DHX30: variants seen among roughly 807,000 people sequenced by gnomAD.
DHX30 encodes the protein DExH-box helicase 30.
A neutral mutation model predicts 116.9 loss-of-function variants in DHX30; 4 were observed. The observed-to-expected ratio is 0.03, with a 90% confidence interval of 0.02 to 0.08. DHX30 has a LOEUF of 0.08. Ranked by LOEUF, DHX30 falls within the 10% of genes least tolerant of loss-of-function variation. The pLI, the probability that DHX30 is intolerant of heterozygous loss-of-function variation, is 1.00. For missense variants in DHX30, 871 were observed against 1,595.1 expected, an observed-to-expected ratio of 0.55 and a Z score of 7.73; for synonymous variants, 697 against 651.7, an observed-to-expected ratio of 1.07 and a Z score of -1.06.
intron 4 of DHX30, among the ~76,000 whole-genome samples, chr3:47,825,409 A>G (rs2036508841): frequency 6.6e-6 from 1 of 152,228 alleles, no homozygotes; most frequent in South Asian, 2.1e-4. Flanking sequence ...CTGTTTGTAA[A>G]GCTTAGCGTG....
chr3:47,845,593 C>CTTA lies in DHX30; in HGVS notation c.940-106_940-104dup, dbSNP rs1369604785. ...CCATGTCAGCCAAAATCCAAAATCT[C>CTTA]TTAGAGATTACTTGGCACAACTTAT... On this transcript the variant is annotated intron_variant, in intron 9 of 21. Transcript: ENST00000445061. The CTTA allele has an allele frequency of 3.0e-6, 4 of 1,325,888 alleles. No homozygotes were observed. The Admixed American group carries it at 8.3e-5, about 28-fold the overall frequency. 82.1% of individuals were successfully genotyped at this position (1,325,888 alleles called of 1,614,324 possible).
At chr3:47,828,910 T>TTGCTGATGTGAGGTC in intron 5 of DHX30, 114 bp from the exon 6 acceptor site, 1 of 673,482 alleles carries the variant, frequency 1.5e-6, no homozygotes, top group Middle Eastern at 2.4e-4. Flanking sequence ...ACCTAGCACA[T>TTGCTGATGTGAGGTC]TGCTGCTGTG....
chr3:47,818,370 G>T (rs1240687678), intron 4 of DHX30, among the ~76,000 whole-genome samples: 2 of 152,172 alleles, frequency 1.3e-5, no homozygotes, highest in Non-Finnish European at 2.9e-5. Context: ...TAAAGCCTAG[G>T]CTCAGTTTGG....
intron 4 of DHX30, among the ~76,000 whole-genome samples, chr3:47,824,127 C>G (rs1041502674): frequency 6.6e-6 from 1 of 151,678 alleles, no homozygotes; most frequent in Non-Finnish European, 1.5e-5. Context: ...CTCAGCCTCC[C>G]GAGTAGCTGG....
In DHX30 at chr3:47,847,748, G is replaced by T; in HGVS notation, c.2111-33G>T. On this transcript the variant is annotated intron_variant, in intron 13 of 21. Transcript: ENST00000445061. The surrounding 1 kb of genome is among the most constrained non-coding windows in gnomAD (Gnocchi z 5.5). ...CCAGGGGGGAATTCTGGTGGAAGCA[G>T]TGCCCATAACTGGTGTGTGTCTTGC... The T allele has an allele frequency of 6.3e-7, 1 of 1,599,140 alleles. No homozygotes were observed. The highest frequency in any genetic ancestry group is 1.3e-5 in the African/African-American group (1 of 74,790).
chr3:47,837,841 G>A (rs570493889), intron 6 of DHX30, among the ~76,000 whole-genome samples: 1 of 152,306 alleles, frequency 6.6e-6, no homozygotes, highest in East Asian at 1.9e-4. Context: ...GAGGGAGAAT[G>A]GGTTGGAGGG....
rs757358890 is a variant in DHX30 at position 47,810,663 on chromosome 3, A to G, written c.-21A>G. 3 of 1,613,842 alleles carry G rather than the reference A, an allele frequency of 1.9e-6. No homozygotes were observed. The highest frequency in any genetic ancestry group is 2.7e-5 in the African/African-American group (2 of 74,912). ...TGGCCCTCCTTGTTCTCAGGATTCC[A>G]GCTTTCCCTCCTGGCCAGAAATGTT... is the stretch of plus-strand genomic sequence containing the variant. On this transcript the variant is annotated 5_prime_UTR_variant, in exon 3 of 22. Coordinates refer to ENST00000445061, the MANE Select transcript of DHX30 (RefSeq NM_138615.3).
At chr3:47,815,613 T>C (rs1443502851) in intron 3 of DHX30, among the ~76,000 whole-genome samples, 1 of 151,534 alleles carries the variant, frequency 6.6e-6, no homozygotes, top group Non-Finnish European at 1.5e-5. Context: ...ATGTTCCTGG[T>C]AAGTTACTTG....
chr3:47,827,717 G>A (rs1174167700), intron 5 of DHX30, among the ~76,000 whole-genome samples: 1 of 152,106 alleles, frequency 6.6e-6, no homozygotes, highest in African/African-American at 2.4e-5. Context: ...GCGCCTATAC[G>A]GATCCTTGGT....
intron 5 of DHX30, 112 bp downstream of exon 5, chr3:47,827,589 T>C (rs2036604036): frequency 1.4e-6 from 2 of 1,400,322 alleles, no homozygotes; most frequent in Non-Finnish European, 9.6e-7. Context: ...GTTTCCTGAA[T>C]TAAAATGGTC....
At chr3:47,813,891 C>CTTTT (rs71070233) in intron 3 of DHX30, among the ~76,000 whole-genome samples, 39 of 80,580 alleles carry the variant, frequency 4.8e-4, no homozygotes, top group Non-Finnish European at 6.7e-4. Context: ...TCATCCTGGG[C>CTTTT]TTTTTTTTTT....
At chr3:47,811,352 C>T (rs1323404616) in intron 3 of DHX30, among the ~76,000 whole-genome samples, 1 of 152,148 alleles carries the variant, frequency 6.6e-6, no homozygotes, top group South Asian at 2.1e-4. Context: ...CAATCTTCCT[C>T]GGTACCATAC....
intron 6 of DHX30, among the ~76,000 whole-genome samples, 180 bp downstream of exon 6, chr3:47,829,314 A>ATATATTTTT (rs1177077114): frequency 2.9e-5 from 1 of 34,186 alleles, no homozygotes; most frequent in African/African-American, 1.1e-4. Context: ...ATATATATAT[A>ATATATTTTT]TTTTTTTTTT....
chr3:47,842,568 C>T (rs984827906), intron 8 of DHX30: 1 of 152,424 alleles, frequency 6.6e-6, no homozygotes, highest in Non-Finnish European at 1.5e-5. Context: ...TCCCCCTCCC[C>T]TTCCTAAACC....
At chr3:47,818,831 T>G (rs897770989) in intron 4 of DHX30, among the ~76,000 whole-genome samples, 1 of 152,200 alleles carries the variant, frequency 6.6e-6, no homozygotes, top group Non-Finnish European at 1.5e-5. Flanking sequence ...GAAGCCTTTT[T>G]GTCCTAATAG....
intron 8 of DHX30, chr3:47,842,089 T>C (rs1416829534): frequency 9.2e-6 from 2 of 216,292 alleles, no homozygotes; most frequent in Admixed American, 5.3e-5. Context: ...AACCTTGTTT[T>C]TACTTTAACT....
At chr3:47,837,751 ACT>A (rs1440904257) in intron 6 of DHX30, among the ~76,000 whole-genome samples, 3 of 152,108 alleles carry the variant, frequency 2.0e-5, no homozygotes, top group African/African-American at 4.8e-5. Flanking sequence ...ACAGAGTGAG[ACT>A]CTGTCTCTAA....
At position 47,849,408 on chromosome 3, in the gene DHX30, G is replaced by A. The variant is rs1192845936; in HGVS notation, c.3088-43G>A. On this transcript the variant is annotated intron_variant, in intron 19 of 21. Transcript: ENST00000445061. ...GTCCCAGCCTCCTTCCCTGTCTGCA[G>A]CTCCTTGCTCAGCCCCACCCGTCTT... 4 of 1,577,812 alleles carry A rather than the reference G, an allele frequency of 2.5e-6. No homozygotes were observed. The Admixed American group carries it at 7.0e-5, about 28-fold the overall frequency.
At chr3:47,849,370 T>C (rs1281368399) in intron 19 of DHX30, 21 bp downstream of exon 19, 1 of 1,603,128 alleles carries the variant, frequency 6.2e-7, no homozygotes, top group Non-Finnish European at 8.5e-7. Flanking sequence ...TGGGAGGGAA[T>C]GGAGTTCACC....
Sources: allele counts gnomAD v4.1 joint callset (sites outside exome capture counted in the v4.1 genomes callset), GRCh38; gene constraint gnomAD v4.1.1; non-coding constraint Gnocchi (gnomAD v3.1); transcripts MANE v1.5; gene names NCBI Gene and HGNC (gene_info 2026-07-23, HGNC 2026-07-21).